CPSF4L: variants seen among roughly 807,000 people sequenced by gnomAD.
The protein encoded by CPSF4L is putative cleavage and polyadenylation specificity factor subunit 4-like protein.
Under a neutral mutation model 24.0 loss-of-function variants are expected in CPSF4L, and 18 were observed. The observed-to-expected ratio is 0.75, with a 90% CI of 0.52 to 1.11. The LOEUF is 1.11. CPSF4L is among the 50% of genes least tolerant of loss of function. The pLI is 0.00. For synonymous variants in CPSF4L, 72 were observed against 77.2 expected (o/e 0.93, Z 0.35); for missense variants, 211 against 221.8 (o/e 0.95, Z 0.31).
intron 4 of CPSF4L, among the ~76,000 whole-genome samples, chr17:73,253,013 T>A (rs1205035439): frequency 6.6e-6 from 1 of 152,096 alleles, no homozygotes; most frequent in African/African-American, 2.4e-5. Context: ...TGCATGGATA[T>A]GAACCACACT....
At chr17:73,247,319 G>A (rs750354026), downstream of CPSF4L, 25 of 1,614,028 alleles carry the variant, frequency 1.5e-5, no homozygotes, top group East Asian at 3.6e-4. Context: ...GGGGATTGCC[G>A]CTCTAAAACA....
At chr17:73,245,057 C>G (rs1261804060), downstream of CPSF4L, 1 of 998,614 alleles carries the variant, frequency 1.0e-6, no homozygotes, top group Non-Finnish European at 1.5e-6. Context: ...GCTTAATACT[C>G]TATTTCTAAA....
At chr17:73,246,734 A>G (rs986244474), downstream of CPSF4L, among the ~76,000 whole-genome samples, 1 of 152,190 alleles carries the variant, frequency 6.6e-6, no homozygotes, top group African/African-American at 2.4e-5. Flanking sequence ...ATTCAGCAAT[A>G]TATCCCTGTA....
At chr17:73,248,047 G>A (rs534886494), downstream of CPSF4L, 1 of 157,782 alleles carries the variant, frequency 6.3e-6, no homozygotes, top group South Asian at 1.9e-4. Context: ...ATTATTTTCT[G>A]AGATTTAGAT....
At chr17:73,253,188 T>C (rs1487986651) in intron 4 of CPSF4L, among the ~76,000 whole-genome samples, 1 of 152,130 alleles carries the variant, frequency 6.6e-6, no homozygotes, top group African/African-American at 2.4e-5. Context: ...GGTGAGACCC[T>C]GTCTCTACTA....
Position 73,248,499 on chromosome 17 carries a change from T to A in CPSF4L, c.535A>T (p.Ile179Phe). 2 of 1,551,682 alleles carry A rather than the reference T, an allele frequency of 1.3e-6. No homozygotes were observed. The highest frequency in any genetic ancestry group is 1.7e-6 in the Non-Finnish European group (2 of 1,146,974). ...CGCTAGGTAAGAAGCAACGCTTAGA[T>A]CTTGCTTCCAGGCAGCAGCTTGAAT... ...REFKLLPGSK[I>F] is the part of the protein sequence containing the mutation. The change falls in exon 6 of 6, where the codon ATC becomes TTC. Residue 179 changes from isoleucine to phenylalanine, a missense_variant. Physicochemically the swap from Ile to Phe is conservative, Grantham distance 21. Coordinates refer to ENST00000344935, the MANE Select transcript of CPSF4L (RefSeq NM_001129885.1).
intron 5 of CPSF4L, chr17:73,249,835 C>A: frequency 6.2e-6 from 1 of 162,448 alleles, no homozygotes; most frequent in Non-Finnish European, 1.3e-5. Context: ...ATAAGCCATA[C>A]AGGGAAGCAG....
chr17:73,258,119 C>T (rs371463418), intron 2 of CPSF4L, among the ~76,000 whole-genome samples: 4 of 152,054 alleles, frequency 2.6e-5, no homozygotes, highest in African/African-American at 7.2e-5. Context: ...ACGCCATTCT[C>T]CTGCCTCCAT....
intron 5 of CPSF4L, among the ~76,000 whole-genome samples, chr17:73,251,556 G>T (rs1434168343): frequency 4.6e-5 from 7 of 152,170 alleles, no homozygotes; most frequent in African/African-American, 1.7e-4. Context: ...TTTATACTCT[G>T]CAGGCTACTG....
chr17:73,250,282 G>C, intron 5 of CPSF4L: 1 of 1,550,660 alleles, frequency 6.4e-7, no homozygotes, highest in East Asian at 2.4e-5. Flanking sequence ...GTACTTACTG[G>C]CATAATGGCC....
downstream of CPSF4L, chr17:73,245,367 T>G: frequency 1.5e-6 from 2 of 1,348,854 alleles, no homozygotes; most frequent in South Asian, 3.9e-5. Flanking sequence ...AGTAAACGTA[T>G]TATTAATATA....
At chr17:73,253,329 C>T (rs748394177) in intron 4 of CPSF4L, among the ~76,000 whole-genome samples, 6 of 152,190 alleles carry the variant, frequency 3.9e-5, no homozygotes, top group Non-Finnish European at 8.8e-5. Context: ...CACTGCACTC[C>T]AACCTGGGTG....
At chr17:73,251,281 A>T (rs992981534) in intron 5 of CPSF4L, among the ~76,000 whole-genome samples, 5 of 152,152 alleles carry the variant, frequency 3.3e-5, no homozygotes, top group African/African-American at 4.8e-5. Flanking sequence ...TTAGGCTTTC[A>T]TTGTAAATGG....
intron 5 of CPSF4L, chr17:73,250,434 T>C: frequency 8.0e-7 from 1 of 1,242,612 alleles, no homozygotes; most frequent in East Asian, 2.6e-5. Context: ...GTGAAGCTTA[T>C]TTCAGGCATT....
At chr17:73,251,825 T>C (rs1214260262) in intron 5 of CPSF4L, among the ~76,000 whole-genome samples, 1 of 152,220 alleles carries the variant, frequency 6.6e-6, no homozygotes, top group African/African-American at 2.4e-5. Context: ...AGAGTGTGTG[T>C]GTCTCTCCAT....
upstream of CPSF4L, among the ~76,000 whole-genome samples, chr17:73,263,595 G>C (rs2062054762): frequency 6.6e-6 from 1 of 151,812 alleles, no homozygotes; most frequent in South Asian, 2.1e-4. Flanking sequence ...GGCAGAAGCG[G>C]GGGTAAAGAG....
At chr17:73,256,272 A>G (rs114594076) in intron 3 of CPSF4L, among the ~76,000 whole-genome samples, 96 of 152,306 alleles carry the variant, frequency 6.3e-4, no homozygotes, top group African/African-American at 2.1e-3. Flanking sequence ...TTGGATAAAC[A>G]TTGTCCTTTC....
At chr17:73,257,867 C>T in intron 2 of CPSF4L, 34 bp from the exon 3 acceptor site, 2 of 1,549,130 alleles carry the variant, frequency 1.3e-6, no homozygotes, top group Non-Finnish European at 1.7e-6. Flanking sequence ...TGGGAGGCCC[C>T]TCATCCACAG....
At chr17:73,244,448 A>G (rs979151688), downstream of CPSF4L, 8 of 150,268 alleles carry the variant, frequency 5.3e-5, no homozygotes, top group African/African-American at 2.0e-4. Flanking sequence ...CTGTAGTCCC[A>G]GCTACTCGGG....
Sources: gnomAD v4.1 joint callset for allele counts (sites outside exome capture counted in the v4.1 genomes callset) on GRCh38, gnomAD v4.1.1 for gene constraint, MANE v1.5 for transcripts, NCBI Gene and HGNC (gene_info 2026-07-23, HGNC 2026-07-21) for gene names.